The following RIF1 variants were observed in gnomAD, a reference collection of about 807,000 sequenced individuals.
The protein encoded by RIF1 is telomere-associated protein RIF1.
In RIF1, 45 loss-of-function variants were observed where a neutral mutation model predicts 247.1. The observed-to-expected ratio is 0.18, with a 90% CI of 0.14 to 0.23. The LOEUF (loss-of-function observed/expected upper bound fraction) is 0.23, where lower values mean the gene tolerates loss of function less well. RIF1 is among the 10% of genes least tolerant of loss of function. RIF1 has a pLI of 1.00. For synonymous variants in RIF1, 1,087 were observed against 978.8 expected (o/e 1.11, Z -2.06); for missense variants, 2,967 against 2,862.5 (o/e 1.04, Z -0.83).
chr2:151,448,331 G>A lies in RIF1; in HGVS notation c.2244+1756G>A, dbSNP rs544816647. On this transcript the variant is annotated intron_variant, in intron 20 of 35. Transcript: ENST00000444746. Reference sequence around the variant, plus strand: ...AGTGTTGGGATTACAGGTGTGAGCCGCCGCGCCCAGCCAAAAATGACAGTT... The same window carrying A: ...AGTGTTGGGATTACAGGTGTGAGCCACCGCGCCCAGCCAAAAATGACAGTT... Among the ~76,000 whole-genome samples the A allele has an allele frequency of 1.3e-3, 204 of 152,090 alleles. 3 individuals are homozygous for A. Among genetic ancestry groups the A allele is most frequent in the Non-Finnish European group, 3.8e-4 (26 of 67,982 alleles).
At chr2:151,448,768 G>A (rs1693758127) in intron 20 of RIF1, among the ~76,000 whole-genome samples, 1 of 152,082 alleles carries the variant, frequency 6.6e-6, no homozygotes, top group African/African-American at 2.4e-5. Flanking sequence ...ATGAGGTTAG[G>A]GACATTGTCT....
intron 30 of RIF1, among the ~76,000 whole-genome samples, chr2:151,466,464 C>T (rs1696899951): frequency 1.3e-5 from 2 of 152,116 alleles, no homozygotes; most frequent in South Asian, 2.1e-4. Context: ...GCAACACTGC[C>T]ATTGATAAAG....
intron 1 of RIF1, 86 bp from the exon 2 acceptor site, chr2:151,410,328 G>T: frequency 9.8e-7 from 1 of 1,023,892 alleles, no homozygotes. Context: ...CGGGCGTGCG[G>T]GTGTGAGGGC....
At chr2:151,419,881 C>T (rs943227130) in intron 6 of RIF1, among the ~76,000 whole-genome samples, 5 of 152,084 alleles carry the variant, frequency 3.3e-5, no homozygotes, top group African/African-American at 9.7e-5. Context: ...TGGTGAATGA[C>T]AATACTGTCC....
chr2:151,525,957 C>T, the RIF1 span: 6 of 1,612,028 alleles, frequency 3.7e-6, no homozygotes, highest in East Asian at 2.2e-5. Context: ...TGATCACTTA[C>T]ATCACTGACA....
At chr2:151,410,670 G>A (rs1293143954) in intron 2 of RIF1, 143 bp downstream of exon 2, 16 of 682,104 alleles carry the variant, frequency 2.3e-5, no homozygotes, top group Middle Eastern at 2.6e-4. Flanking sequence ...ACGCCTTGGG[G>A]GGCGGGGGAG....
chr2:151,527,010 G>T, the RIF1 span: 1 of 1,593,944 alleles, frequency 6.3e-7, no homozygotes, highest in Non-Finnish European at 8.6e-7. Flanking sequence ...TCCCGGTCCA[G>T]CTTATATTCA....
chr2:151,482,711 A>G (rs904900435), downstream of RIF1, among the ~76,000 whole-genome samples: 8 of 152,216 alleles, frequency 5.3e-5, no homozygotes, highest in African/African-American at 1.9e-4. Flanking sequence ...GTTGAAAGAC[A>G]CTGTATTAGT....
intron 24 of RIF1, among the ~76,000 whole-genome samples, chr2:151,458,224 T>TG (rs1695525023): frequency 1.5e-5 from 2 of 134,986 alleles, no homozygotes; most frequent in East Asian, 2.2e-4. Context: ...AGGAAATAGA[T>TG]GATTTTTTTT....
intron 7 of RIF1, among the ~76,000 whole-genome samples, chr2:151,421,497 A>G (rs1411727039): frequency 6.6e-6 from 1 of 152,206 alleles, no homozygotes; most frequent in Non-Finnish European, 1.5e-5. Context: ...AGAGGGCCCA[A>G]TCACATAGGA....
At chr2:151,430,742 T>A (rs1381104009) in intron 9 of RIF1, among the ~76,000 whole-genome samples, 1 of 138,776 alleles carries the variant, frequency 7.2e-6, no homozygotes, top group African/African-American at 2.8e-5. Flanking sequence ...AGCCTTGACC[T>A]CCTGGGCTCC....
intron 14 of RIF1, 55 bp from the exon 15 acceptor site, chr2:151,439,972 C>CAAA (rs1165450117): frequency 0.01 from 2,848 of 275,148 alleles, 42 homozygotes; most frequent in African/African-American, 0.036. Context: ...GACCCTGTCT[C>CAAA]AAAAAAAAAA....
At chr2:151,436,258 C>T (rs993943265) in intron 11 of RIF1, among the ~76,000 whole-genome samples, 1 of 151,814 alleles carries the variant, frequency 6.6e-6, no homozygotes, top group African/African-American at 2.4e-5. Flanking sequence ...AACAACACTT[C>T]AGCCAGGTGC....
chr2:151,417,095 T>C (rs939740272), intron 6 of RIF1, among the ~76,000 whole-genome samples, 194 bp downstream of exon 6: 3 of 152,178 alleles, frequency 2.0e-5, no homozygotes, highest in African/African-American at 7.2e-5. Context: ...TTTTGTTTAT[T>C]TTTACTGGGA....
At chr2:151,513,280 A>G in the RIF1 span, among the ~76,000 whole-genome samples, 1 of 152,184 alleles carries the variant, frequency 6.6e-6, no homozygotes, top group Non-Finnish European at 1.5e-5. Context: ...GAGTGGACTG[A>G]CTCAGAAATA....
At chr2:151,470,839 A>G (rs1046302674) in intron 34 of RIF1, among the ~76,000 whole-genome samples, 8 of 152,152 alleles carry the variant, frequency 5.3e-5, no homozygotes, top group African/African-American at 1.9e-4. Context: ...GATTGAATTT[A>G]GTTTCTAAAG....
At chr2:151,503,525 A>G (rs1434851918) in intron 12 of RIF1, 5 of 801,358 alleles carry the variant, frequency 6.2e-6, no homozygotes, top group Non-Finnish European at 1.1e-5. Context: ...TATTTGGGGG[A>G]AACTCATAAA....
At chr2:151,519,511 T>C in the RIF1 span, 10,798 of 661,192 alleles carry the variant, frequency 0.016, 159 homozygotes, top group Non-Finnish European at 0.018. Flanking sequence ...ATGGTTATAG[T>C]TTCTGTTGGT....
At chr2:151,459,911 CTATT>C (rs1428476181) in intron 25 of RIF1, 85 bp from the exon 26 acceptor site, 13 of 1,065,634 alleles carry the variant, frequency 1.2e-5, no homozygotes, top group African/African-American at 3.3e-5. Flanking sequence ...TTTGCAATTA[CTATT>C]TATTAGGAAT....
Sources: gnomAD v4.1 joint callset for allele counts (sites outside exome capture counted in the v4.1 genomes callset) on GRCh38, gnomAD v4.1.1 for gene constraint, MANE v1.5 for transcripts, NCBI Gene and HGNC (gene_info 2026-07-23, HGNC 2026-07-21) for gene names.